PSMD10: variants seen among roughly 807,000 people sequenced by gnomAD.
PSMD10 encodes 26S proteasome non-ATPase regulatory subunit 10.
PSMD10 carries 2 observed loss-of-function variants against 13.2 expected under a neutral mutation model. That is an observed-to-expected ratio of 0.15 (90% CI 0.06 to 0.48). PSMD10 has a LOEUF of 0.48. Ranked by LOEUF, PSMD10 falls within the 20% of genes least tolerant of loss-of-function variation. The pLI is 0.97. For synonymous variants in PSMD10, 66 were observed against 64.4 expected, an observed-to-expected ratio of 1.03 and a Z score of -0.12; for missense variants, 120 against 167.4, an observed-to-expected ratio of 0.72 and a Z score of 1.56.
At position 108,088,800 on chromosome X, in the gene PSMD10, A is replaced by G. The variant is rs1224660710; in HGVS notation, c.165T>C (p.Ile55=). 5.0e-6 allele frequency: 6 copies of G among 1,205,422 alleles called. No homozygotes were observed. Among genetic ancestry groups the G allele is most frequent in the Non-Finnish European group, 6.7e-6 (6 of 890,397 alleles). Residue 55 remains isoleucine (I), a synonymous_variant, in exon 2 of 5, where the codon ATT becomes ATC. Transcript: ENST00000217958. ...CTCCAAGTTGCAACAAAAATTCAAC[A>G]ATTTCTGTATGTCCAGCTGAGCATG... ...HWACSAGHTE[I]VEFLLQLGVP...
At chrX:108,089,073 TACG>T (rs930685365) in intron 1 of PSMD10, among the ~76,000 whole-genome samples, 3 of 112,492 alleles carry the variant, frequency 2.7e-5, no homozygotes, top group Non-Finnish European at 5.6e-5. Flanking sequence ...CTGGGCAGAA[TACG>T]ACAAGGAAAG....
At position 108,084,678 on chromosome X, in the gene PSMD10, G is replaced by C. The variant is rs202105475; in HGVS notation, c.*296C>G. The C allele has an allele frequency of 2.8e-4, 52 of 188,518 alleles. No homozygotes were observed. The East Asian group carries it at 5.5e-3, about 20-fold the overall frequency. 15.5% of individuals were successfully genotyped at this position (188,518 alleles called of 1,213,427 possible). ...TCAGAGAGGGATATAAGGTACATGG[G>C]AGGGTGCTGAAGACTCACAACAGCC... is the stretch of plus-strand genomic sequence containing the variant. On this transcript the variant is annotated 3_prime_UTR_variant, in exon 5 of 5. Transcript: ENST00000217958.
intron 4 of PSMD10, 43 bp downstream of exon 4, chrX:108,087,643 C>G (rs2031512570): frequency 1.7e-6 from 2 of 1,176,271 alleles, no homozygotes; most frequent in Non-Finnish European, 2.3e-6. Flanking sequence ...TGCAAGAAGG[C>G]TAATGTCAGG....
At chrX:108,085,764 G>C (rs1354271034) in intron 4 of PSMD10, among the ~76,000 whole-genome samples, 1 of 111,944 alleles carries the variant, frequency 8.9e-6, no homozygotes, top group Non-Finnish European at 1.9e-5. Flanking sequence ...CAATAATCTA[G>C]TGAGGAAGGA....
chrX:108,088,596 G>A (rs1268315432), intron 2 of PSMD10, 156 bp downstream of exon 2: 4 of 454,692 alleles, frequency 8.8e-6, no homozygotes, highest in Non-Finnish European at 1.6e-5. Flanking sequence ...ATGCAACCAT[G>A]AGTCTCATGC....
Position 108,084,950 on chromosome X carries a change from A to G in PSMD10, c.*24T>C. On this transcript the variant is annotated 3_prime_UTR_variant, in exon 5 of 5. Transcript: ENST00000217958. The stretch of plus-strand genomic sequence containing the variant: ...CACTGGGGACAACAACACAACATAC[A>G]AAGTAAGAATAAATCCAAGCTGTTT... 8.5e-7 allele frequency: 1 copy of G among 1,176,246 alleles called. No homozygotes were observed. Among genetic ancestry groups the G allele is most frequent in the Non-Finnish European group, 1.1e-6 (1 of 878,424 alleles).
chrX:108,088,510 T>C, intron 2 of PSMD10: 1 of 351,375 alleles, frequency 2.8e-6, no homozygotes, highest in African/African-American at 2.5e-5. Context: ...GCTGGAGCAA[T>C]CCTCCTACCT....
intron 4 of PSMD10, among the ~76,000 whole-genome samples, chrX:108,086,108 A>C (rs2031494472): frequency 8.9e-6 from 1 of 112,288 alleles, no homozygotes; most frequent in Non-Finnish European, 1.9e-5. Flanking sequence ...CTTAAAGTCA[A>C]ATTGGAAAAG....
At position 108,091,413 on chromosome X, in the gene PSMD10, A is replaced by C; in HGVS notation, c.108T>G (p.Thr36=). The part of the protein sequence containing the change: ...ILADKSLATR[T]DQDSRTALHW... ...AGACCTAGCGTTGCTTTACCTGGTCAGTTCTAGTAGCCAGGGATTTATCGG... is the reference window on the plus strand; with the variant it reads ...AGACCTAGCGTTGCTTTACCTGGTCCGTTCTAGTAGCCAGGGATTTATCGG... The change falls in exon 1 of 5, where the codon ACT becomes ACG. Residue 36 remains threonine (T), a synonymous_variant. Coordinates refer to ENST00000217958, the MANE Select transcript of PSMD10 (RefSeq NM_002814.4). 1 of 1,210,184 alleles carries C rather than the reference A, an allele frequency of 8.3e-7. No homozygotes were observed.
chrX:108,087,216 T>C (rs2031507242), intron 4 of PSMD10: 1 of 112,427 alleles, frequency 8.9e-6, no homozygotes, highest in Non-Finnish European at 1.9e-5. Flanking sequence ...ACATGAGCCA[T>C]TATGCCTGGC....
At position 108,087,604 on chromosome X, in the gene PSMD10, T is replaced by TA. The variant is rs2031512045; in HGVS notation, c.527+81dup. On this transcript the variant is annotated intron_variant, in intron 4 of 4. Coordinates refer to ENST00000217958, the MANE Select transcript of PSMD10 (RefSeq NM_002814.4). Reference sequence around the variant, plus strand: ...ACACGTATTGCATTTATAAGCAGAATAAAAAAAGAAATGATGTATAAGAAT... The same window carrying TA: ...ACACGTATTGCATTTATAAGCAGAATAAAAAAAAGAAATGATGTATAAGAAT... The TA allele has an allele frequency of 2.7e-6, 3 of 1,116,431 alleles. No homozygotes were observed. In the Admixed American group the frequency reaches 8.4e-5, roughly 31 times the overall value. The allele number at this position is 1,116,431 out of a possible 1,213,427, so 92.0% of individuals were successfully genotyped here.
In PSMD10 at chrX:108,084,861, G is replaced by T; in HGVS notation, c.*113C>A. On this transcript the variant is annotated 3_prime_UTR_variant, in exon 5 of 5. Coordinates refer to ENST00000217958, the MANE Select transcript of PSMD10 (RefSeq NM_002814.4). ...AGAGTCAACATGTTTATAAGACTTT[G>T]AAGGTGAGAAAACTTCATCATTCAT... 1.2e-6 allele frequency: 1 copy of T among 868,340 alleles called. No individual in the cohort carries two copies. The highest frequency in any genetic ancestry group is 1.6e-6 in the Non-Finnish European group (1 of 640,885). 71.6% of individuals were successfully genotyped at this position (868,340 alleles called of 1,213,427 possible).
intron 1 of PSMD10, 119 bp from the exon 2 acceptor site, chrX:108,088,969 A>C (rs746075594): frequency 2.4e-5 from 12 of 497,056 alleles, no homozygotes; most frequent in Admixed American, 1.1e-4. Context: ...CTGGATCCTC[A>C]GGTAGGTAAC....
At chrX:108,089,420 G>C (rs1284137568) in intron 1 of PSMD10, among the ~76,000 whole-genome samples, 1 of 111,896 alleles carries the variant, frequency 8.9e-6, no homozygotes, top group Non-Finnish European at 1.9e-5. Flanking sequence ...GAATCTAATG[G>C]GGGAAGAAAT....
intron 4 of PSMD10, among the ~76,000 whole-genome samples, chrX:108,086,298 A>G (rs1301394970): frequency 8.9e-6 from 1 of 112,029 alleles, no homozygotes; most frequent in Non-Finnish European, 1.9e-5. Flanking sequence ...ATGCAAAACA[A>G]TAACACTAAC....
At chrX:108,089,824 ACT>A (rs1364031524) in intron 1 of PSMD10, among the ~76,000 whole-genome samples, 1 of 111,637 alleles carries the variant, frequency 9.0e-6, no homozygotes, top group African/African-American at 3.3e-5. Flanking sequence ...CAAGAGCGAA[ACT>A]CTGTTTCAAA....
chrX:108,088,902 A>T, intron 1 of PSMD10, 52 bp from the exon 2 acceptor site: 6 of 957,346 alleles, frequency 6.3e-6, no homozygotes, highest in Non-Finnish European at 7.1e-6. Context: ...CAAAAAAGCA[A>T]GAAAAAAAAT....
chrX:108,088,099 C>A lies in PSMD10; in HGVS notation c.214G>T (p.Ala72Ser). ...GCAATATGAAGAGGAGACCAACCTGCCTATAAAAGAAGTAGGTAGTAGAAA... is the reference window on the plus strand; with the variant it reads ...GCAATATGAAGAGGAGACCAACCTGACTATAAAAGAAGTAGGTAGTAGAAA... ...LGVPVNDKDD[A>S]GWSPLHIAAS... Residue 72 changes from alanine to serine, a missense_variant and splice_region_variant, in exon 3 of 5, where the codon GCA becomes TCA. By Grantham distance (99) the Ala-to-Ser change is moderately conservative (BLOSUM62 1). Around this residue, in one of 3 missense-constraint regions of PSMD10, gnomAD observed 68 missense variants for 124.8 expected, o/e 0.54. Coordinates refer to ENST00000217958, the MANE Select transcript of PSMD10 (RefSeq NM_002814.4). 1 of 1,198,031 alleles carries A rather than the reference C, an allele frequency of 8.3e-7. No homozygotes were observed.
chrX:108,091,289 C>T, intron 1 of PSMD10, 118 bp downstream of exon 1: 4 of 640,701 alleles, frequency 6.2e-6, no homozygotes, highest in Non-Finnish European at 1.0e-5. Flanking sequence ...CTGCTTGGGG[C>T]GGCGGGGGCG....
Sources: gnomAD v4.1 joint callset for allele counts (sites outside exome capture counted in the v4.1 genomes callset) on GRCh38, gnomAD v4.1.1 for gene constraint, gnomAD v4.1.1 regional missense constraint, MANE v1.5 for transcripts, NCBI Gene and HGNC (gene_info 2026-07-23, HGNC 2026-07-21) for gene names.